GREB1: variants seen among roughly 807,000 people sequenced by gnomAD.
The protein encoded by GREB1 is protein GREB1.
In GREB1, 106 loss-of-function variants were observed where a neutral mutation model predicts 200.7. That is an observed-to-expected ratio of 0.53 (90% confidence interval 0.45 to 0.62). The LOEUF is 0.62. Ranked by LOEUF, GREB1 falls within the 20% of genes least tolerant of loss-of-function variation. The probability of loss-of-function intolerance (pLI) is 0.00; values close to 1 mark genes in which losing one functional copy is unlikely to be tolerated. For synonymous variants in GREB1, 1,132 were observed against 1,092.4 expected (o/e 1.04, Z -0.72); for missense variants, 2,243 against 2,556.8 (o/e 0.88, Z 2.65).
chr2:11,634,123 T>C lies in GREB1; in HGVS notation c.4992-8T>C. 10 of 1,610,972 alleles carry C rather than the reference T, an allele frequency of 6.2e-6. No individual in the cohort carries two copies. Among genetic ancestry groups the C allele is most frequent in the Non-Finnish European group, 8.5e-6 (10 of 1,177,088 alleles). The stretch of plus-strand genomic sequence containing the variant: ...AGCCTAGGGACTCACTCTCCCTCCT[T>C]GGAGCAGGGAGTTCTCCTGGTCGGA... On this transcript the variant is annotated splice_polypyrimidine_tract_variant and splice_region_variant and intron_variant, in intron 28 of 32. Transcript: ENST00000381486.
At chr2:11,576,132 C>G (rs1392393735) in intron 4 of GREB1, among the ~76,000 whole-genome samples, 1 of 151,870 alleles carries the variant, frequency 6.6e-6, no homozygotes, top group African/African-American at 2.4e-5. Flanking sequence ...GGTGAAACCC[C>G]GTCTCTACTA....
chr2:11,595,890 C>T (rs1363461899), intron 12 of GREB1, among the ~76,000 whole-genome samples: 2 of 152,132 alleles, frequency 1.3e-5, no homozygotes, highest in African/African-American at 4.8e-5. Flanking sequence ...TGTTGTTCTT[C>T]CTTCTGCCCT....
At chr2:11,612,724 T>C (rs1360186405) in intron 19 of GREB1, 114 bp downstream of exon 19, 1 of 654,578 alleles carries the variant, frequency 1.5e-6, no homozygotes, top group Admixed American at 2.6e-5. Flanking sequence ...ACCACTCACA[T>C]TCACAGGCCC....
chr2:11,527,729 C>G (rs186599330), intron 1 of GREB1, among the ~76,000 whole-genome samples: 2 of 152,196 alleles, frequency 1.3e-5, no homozygotes, highest in African/African-American at 2.4e-5. Flanking sequence ...GGACTCAGCT[C>G]TCATGTAGTT....
chr2:11,566,019 T>TTATATATA (rs60231852), intron 3 of GREB1, among the ~76,000 whole-genome samples: 9,444 of 148,908 alleles, frequency 0.063, 633 homozygotes, highest in African/African-American at 0.17. Flanking sequence ...ATAACTATGA[T>TTATATATA]TATATATATA....
intron 1 of GREB1, among the ~76,000 whole-genome samples, chr2:11,515,072 TCTCATCTCTTCCCCCACCTGCCCATCTA>T (rs1177284456): frequency 2.7e-5 from 4 of 148,428 alleles, no homozygotes; most frequent in Non-Finnish European, 4.5e-5. Flanking sequence ...GTATCCATCC[TCTCATCTCTTCCCCCACCTGCCCATCTA>T]TCCATCCTTC....
At chr2:11,585,961 A>C in intron 9 of GREB1, 56 bp downstream of exon 9, 1 of 1,578,664 alleles carries the variant, frequency 6.3e-7, no homozygotes, top group Non-Finnish European at 8.7e-7. Flanking sequence ...GGAAGGCATG[A>C]GAAACAGGCA....
At chr2:11,540,863 C>T (rs1255383650) in intron 1 of GREB1, among the ~76,000 whole-genome samples, 1 of 152,218 alleles carries the variant, frequency 6.6e-6, no homozygotes, top group Non-Finnish European at 1.5e-5. Flanking sequence ...CTGGAGCACC[C>T]CATTCCCATC....
chr2:11,612,855 G>C (rs755369356), intron 19 of GREB1, among the ~76,000 whole-genome samples: 1 of 152,230 alleles, frequency 6.6e-6, no homozygotes, highest in Non-Finnish European at 1.5e-5. Flanking sequence ...CTGTTGCCAG[G>C]CTCTACGGGT....
chr2:11,519,494 C>T (rs539056216), intron 1 of GREB1, among the ~76,000 whole-genome samples: 38 of 108,722 alleles, frequency 3.5e-4, no homozygotes, highest in African/African-American at 1.3e-3. Flanking sequence ...TCGCTCTTGT[C>T]GCCCAGGCTG....
rs996870730 is a variant in GREB1 at position 11,624,054 on chromosome 2, G to T, written c.4148-1100G>T. 2.6e-5 allele frequency among the ~76,000 whole-genome samples: 4 copies of T among 152,154 alleles called. No individual in the cohort carries two copies. The East Asian group carries it at 7.7e-4, about 29-fold the overall frequency. On this transcript the variant is annotated intron_variant, in intron 23 of 32. Coordinates refer to ENST00000381486, the MANE Select transcript of GREB1 (RefSeq NM_014668.4). ...TACAAAAGAGTCAAAGAGTTTAAAA[G>T]GTTATAAAGTAAAAAAGTTATAGTA...
intron 1 of GREB1, among the ~76,000 whole-genome samples, chr2:11,510,007 C>T (rs1475182291): frequency 1.3e-5 from 2 of 152,152 alleles, no homozygotes; most frequent in East Asian, 1.9e-4. Flanking sequence ...AAAGTCCATG[C>T]ATTTTGCTTT....
At chr2:11,583,016 A>G (rs889097158) in intron 7 of GREB1, among the ~76,000 whole-genome samples, 8 of 152,094 alleles carry the variant, frequency 5.3e-5, no homozygotes, top group Non-Finnish European at 1.2e-4. Flanking sequence ...CGCACCAAAC[A>G]GGCTACATAA....
Position 11,595,397 on chromosome 2 carries a change from C to T in GREB1, c.1825+18C>T, listed in dbSNP as rs974001965. 8 of 1,610,886 alleles carry T rather than the reference C, an allele frequency of 5.0e-6. No individual in the cohort carries two copies. The African/African-American group carries it at 1.1e-4, about 22-fold the overall frequency. ...CTGTCCAGGTAGGCTTGTCGTGAGA[C>T]AGGTGCACATGCGTATGTTAATAGG... On this transcript the variant is annotated intron_variant, in intron 12 of 32. Transcript: ENST00000381486.
intron 18 of GREB1, chr2:11,612,278 A>G (rs1431830213): frequency 1.0e-5 from 13 of 1,258,714 alleles, no homozygotes; most frequent in African/African-American, 3.1e-5. Context: ...GATGTCTTGG[A>G]CATGCTCTGG....
At chr2:11,601,590 CT>C (rs931825463) in intron 16 of GREB1, among the ~76,000 whole-genome samples, 4 of 152,302 alleles carry the variant, frequency 2.6e-5, no homozygotes, top group Admixed American at 2.6e-4. Context: ...AGAGATGAGA[CT>C]TTTTTGGAGT....
In GREB1 at chr2:11,618,147, CAGGTCACTCCTGG is replaced by C. The variant is rs1452838304; in HGVS notation, c.3413-140_3413-128del. 44 of 567,606 alleles carry C rather than the reference CAGGTCACTCCTGG, an allele frequency of 7.8e-5. 1 individual carries two copies. The East Asian group carries it at 2.1e-3, about 27-fold the overall frequency. 35.2% of individuals were successfully genotyped at this position (567,606 alleles called of 1,614,324 possible). On this transcript the variant is annotated intron_variant, in intron 21 of 32. Coordinates refer to ENST00000381486, the MANE Select transcript of GREB1 (RefSeq NM_014668.4). ...CCCCTGAGATGGGCCACTCCTGGGA[CAGGTCACTCCTGG>C]GATGGGTGACTCCTGGGACAGGTCA...
At chr2:11,588,524 T>C (rs1181105555) in intron 9 of GREB1, 1 of 603,390 alleles carries the variant, frequency 1.7e-6, no homozygotes, top group Non-Finnish European at 3.0e-6. Flanking sequence ...AACCAGCAAG[T>C]GGCACAGCCC....
intron 22 of GREB1, among the ~76,000 whole-genome samples, chr2:11,620,222 G>A (rs1461527920): frequency 7.9e-5 from 12 of 152,104 alleles, no homozygotes; most frequent in Non-Finnish European, 7.4e-5. Context: ...TGATCCGCCC[G>A]CCTCAGCCTC....
Sources: gnomAD v4.1 joint callset for allele counts (sites outside exome capture counted in the v4.1 genomes callset) on GRCh38, gnomAD v4.1.1 for gene constraint, MANE v1.5 for transcripts, NCBI Gene and HGNC (gene_info 2026-07-23, HGNC 2026-07-21) for gene names.